AGTPBP1: variants seen among roughly 807,000 people sequenced by gnomAD.
AGTPBP1 encodes ATP/GTP binding carboxypeptidase 1, also known as cytosolic carboxypeptidase 1.
In AGTPBP1, 70 loss-of-function variants were observed where a neutral mutation model predicts 143.9. The observed-to-expected ratio is 0.49, with a 90% CI of 0.40 to 0.59. The LOEUF is 0.59. Among genes scored for constraint, AGTPBP1 ranks in the 20% least tolerant of loss-of-function variants. AGTPBP1 has a pLI of 0.00. For synonymous variants in AGTPBP1, 463 were observed against 500.2 expected (o/e 0.93, Z 0.99); for missense variants, 1,229 against 1,464.5 (o/e 0.84, Z 2.62).
At chr9:85,735,515 A>C (rs895157995) in intron 1 of AGTPBP1, among the ~76,000 whole-genome samples, 15 of 152,364 alleles carry the variant, frequency 9.8e-5, no homozygotes, top group African/African-American at 3.4e-4. Context: ...CACACTTAAA[A>C]GTGATTTAAA....
At chr9:85,644,317 T>C (rs759867376) in intron 12 of AGTPBP1, among the ~76,000 whole-genome samples, 4 of 151,754 alleles carry the variant, frequency 2.6e-5, no homozygotes, top group Non-Finnish European at 5.9e-5. Flanking sequence ...ATAGAATACA[T>C]AATGTTTCTA....
At chr9:85,729,963 G>A (rs928497444) in intron 1 of AGTPBP1, among the ~76,000 whole-genome samples, 2 of 152,172 alleles carry the variant, frequency 1.3e-5, no homozygotes, top group Non-Finnish European at 2.9e-5. Flanking sequence ...GTGCACACCA[G>A]AACAGGCCCA....
At chr9:85,569,986 C>G (rs1437359388) in intron 25 of AGTPBP1, among the ~76,000 whole-genome samples, 4 of 152,184 alleles carry the variant, frequency 2.6e-5, no homozygotes, top group African/African-American at 9.7e-5. Context: ...GTCTTTCCAC[C>G]TTACCTAGTC....
At chr9:85,742,104 G>C, upstream of AGTPBP1, 3 of 1,019,712 alleles carry the variant, frequency 2.9e-6, no homozygotes, top group Non-Finnish European at 3.7e-6. Flanking sequence ...CGCGTCCCTT[G>C]TTACCTCCGT....
chr9:85,606,354 C>G (rs1299136225), intron 17 of AGTPBP1, among the ~76,000 whole-genome samples: 1 of 150,530 alleles, frequency 6.6e-6, no homozygotes, highest in Non-Finnish European at 1.5e-5. Flanking sequence ...CAATGAGATA[C>G]CATCTTACCC....
intron 15 of AGTPBP1, among the ~76,000 whole-genome samples, chr9:85,620,182 G>C (rs972168436): frequency 6.6e-6 from 1 of 151,990 alleles, no homozygotes; most frequent in Non-Finnish European, 1.5e-5. Flanking sequence ...AGGCCGAGGT[G>C]GTCAGATGAC....
chr9:85,643,365 AC>A (rs1177907897), intron 12 of AGTPBP1, among the ~76,000 whole-genome samples: 3 of 152,204 alleles, frequency 2.0e-5, no homozygotes, highest in African/African-American at 7.2e-5. Flanking sequence ...CTATGAAGTT[AC>A]CCCCATTTAA....
At chr9:85,714,271 C>A (rs1426380965) in intron 1 of AGTPBP1, among the ~76,000 whole-genome samples, 1 of 152,182 alleles carries the variant, frequency 6.6e-6, no homozygotes, top group Non-Finnish European at 1.5e-5. Flanking sequence ...GAAGAGGGTC[C>A]ATAGGTGGGA....
At chr9:85,612,024 T>C (rs1830345972) in intron 17 of AGTPBP1, among the ~76,000 whole-genome samples, 1 of 152,148 alleles carries the variant, frequency 6.6e-6, no homozygotes, top group Admixed American at 6.5e-5. Flanking sequence ...TATTGGTCTC[T>C]ACCCCCCAGT....
At chr9:85,565,881 G>A (rs1827053133) in intron 25 of AGTPBP1, among the ~76,000 whole-genome samples, 1 of 152,096 alleles carries the variant, frequency 6.6e-6, no homozygotes, top group African/African-American at 2.4e-5. Context: ...TCAAAAAAAT[G>A]CATATACTTC....
chr9:85,781,005 T>C, the AGTPBP1 span, among the ~76,000 whole-genome samples: 1 of 152,118 alleles, frequency 6.6e-6, no homozygotes, highest in Non-Finnish European at 1.5e-5. Context: ...TAGTCCCAGC[T>C]ACTTGGGAGG....
chr9:85,722,034 G>C (rs1464131322), intron 1 of AGTPBP1, among the ~76,000 whole-genome samples: 1 of 152,218 alleles, frequency 6.6e-6, no homozygotes, highest in Non-Finnish European at 1.5e-5. Flanking sequence ...TCTGCTGAGA[G>C]ATCCACTGTT....
At chr9:85,677,287 G>C in intron 6 of AGTPBP1, 149 bp downstream of exon 6, 2 of 686,604 alleles carry the variant, frequency 2.9e-6, no homozygotes, top group Non-Finnish European at 4.6e-6. Context: ...AAAATATCAT[G>C]TGTACCCCCA....
At chr9:85,681,412 A>G in intron 3 of AGTPBP1, 77 bp from the exon 4 acceptor site, 1 of 1,245,844 alleles carries the variant, frequency 8.0e-7, no homozygotes. Context: ...TATAGCTAAT[A>G]AAGATTCAAC....
chr9:85,803,952 G>C, the AGTPBP1 span, among the ~76,000 whole-genome samples: 78 of 152,088 alleles, frequency 5.1e-4, 2 homozygotes, highest in African/African-American at 1.8e-3. Context: ...CAATCAGTTA[G>C]CAAATTCTAT....
At chr9:85,549,261 G>A (rs1239196761) in intron 25 of AGTPBP1, among the ~76,000 whole-genome samples, 1 of 152,150 alleles carries the variant, frequency 6.6e-6, no homozygotes, top group Non-Finnish European at 1.5e-5. Context: ...GCCAGCACAG[G>A]GTCTGGGGAA....
chr9:85,630,406 A>G (rs1831586575), intron 14 of AGTPBP1, among the ~76,000 whole-genome samples: 1 of 151,940 alleles, frequency 6.6e-6, no homozygotes, highest in African/African-American at 2.4e-5. Flanking sequence ...TTATTTAGTT[A>G]TTTATTTATT....
chr9:85,630,002 TA>T (rs1831553355), intron 14 of AGTPBP1, among the ~76,000 whole-genome samples: 1 of 152,196 alleles, frequency 6.6e-6, no homozygotes, highest in Admixed American at 6.5e-5. Context: ...TAAGAGAAAA[TA>T]CTTTCAGTTT....
chr9:85,656,700 C>CA, intron 10 of AGTPBP1, among the ~76,000 whole-genome samples: 1 of 152,250 alleles, frequency 6.6e-6, no homozygotes, highest in East Asian at 1.9e-4. Flanking sequence ...AATACACTGT[C>CA]AAAAATGTTT....
Sources: allele counts gnomAD v4.1 joint callset (sites outside exome capture counted in the v4.1 genomes callset), GRCh38; gene constraint gnomAD v4.1.1; transcripts MANE v1.5; gene names NCBI Gene and HGNC (gene_info 2026-07-23, HGNC 2026-07-21).